Variants in FER observed in about 807,000 individuals in gnomAD.
FER encodes FER tyrosine kinase.
A neutral mutation model predicts 111.0 loss-of-function variants in FER; 63 were observed. The observed-to-expected ratio is 0.57, with a 90% confidence interval of 0.46 to 0.70. The LOEUF is 0.70. FER is among the 30% of genes least tolerant of loss of function. FER has a pLI of 0.00. For synonymous variants in FER, 327 were observed against 313.9 expected (o/e 1.04, Z -0.44); for missense variants, 914 against 954.0 (o/e 0.96, Z 0.55).
At chr5:108,889,317 A>G (rs1349707621) in intron 9 of FER, among the ~76,000 whole-genome samples, 1 of 151,962 alleles carries the variant, frequency 6.6e-6, no homozygotes, top group Middle Eastern at 3.2e-3. Flanking sequence ...CTACGTGTCC[A>G]TCAACAGACA....
At chr5:108,851,788 T>A (rs10064960) in intron 5 of FER, among the ~76,000 whole-genome samples, 1 of 152,066 alleles carries the variant, frequency 6.6e-6, no homozygotes, top group African/African-American at 2.4e-5. Context: ...TTCTGTATGT[T>A]TAGAATTATG....
intron 6 of FER, among the ~76,000 whole-genome samples, chr5:108,870,173 A>G (rs968733321): frequency 6.6e-6 from 1 of 152,072 alleles, no homozygotes; most frequent in Non-Finnish European, 1.5e-5. Flanking sequence ...TGTGTAATAC[A>G]TTATTTTAGA....
intron 16 of FER, among the ~76,000 whole-genome samples, chr5:109,093,379 T>G (rs2150049100): frequency 6.6e-6 from 1 of 152,304 alleles, no homozygotes; most frequent in East Asian, 1.9e-4. Flanking sequence ...CAATATAATA[T>G]TTCTGTAATC....
intron 3 of FER, among the ~76,000 whole-genome samples, chr5:108,812,116 A>G (rs894053601): frequency 2.0e-5 from 3 of 152,184 alleles, no homozygotes; most frequent in Non-Finnish European, 4.4e-5. Flanking sequence ...TGAGAGAGGG[A>G]TGCTGAAATC....
At chr5:108,794,105 T>A (rs921087281) in intron 2 of FER, among the ~76,000 whole-genome samples, 1 of 152,200 alleles carries the variant, frequency 6.6e-6, no homozygotes, top group Non-Finnish European at 1.5e-5. Context: ...ATTCTTTGTT[T>A]TTTTGGTGTA....
chr5:108,895,766 G>A (rs1748997813), intron 9 of FER, among the ~76,000 whole-genome samples: 1 of 152,106 alleles, frequency 6.6e-6, no homozygotes, highest in Admixed American at 6.6e-5. Flanking sequence ...TCTTTTGGGG[G>A]ACATTATTCA....
Position 109,079,676 on chromosome 5 carries a change from T to A in FER, c.1925-20720T>A, listed in dbSNP as rs1310767933. Among the ~76,000 whole-genome samples the A allele has an allele frequency of 2.0e-5, 3 of 152,090 alleles. 1 individual carries two copies. The highest frequency in any genetic ancestry group is 4.1e-4 in the South Asian group (2 of 4,828). ...AGAACCCCTAAGTAAAATTCTGGCT[T>A]GAAGGCTAAGGAAATGATACCCAGG... On this transcript the variant is annotated intron_variant, in intron 16 of 19. Coordinates refer to ENST00000281092, the MANE Select transcript of FER (RefSeq NM_005246.4).
intron 2 of FER, among the ~76,000 whole-genome samples, chr5:108,769,069 T>G (rs1289836515): frequency 1.3e-5 from 2 of 152,074 alleles, no homozygotes; most frequent in Non-Finnish European, 2.9e-5. Flanking sequence ...TCAGATGATC[T>G]TTCTGCCTCA....
chr5:108,858,302 C>A lies in FER; in HGVS notation c.482-9465C>A, dbSNP rs376257888. Reference sequence around the variant, plus strand: ...ACTTACTTGCTCAAATGCTAGAATACACAGAAAGTAATTTCAGTATTGCTA... The same window carrying A: ...ACTTACTTGCTCAAATGCTAGAATAAACAGAAAGTAATTTCAGTATTGCTA... On this transcript the variant is annotated intron_variant, in intron 5 of 19. Coordinates refer to ENST00000281092, the MANE Select transcript of FER (RefSeq NM_005246.4). 3.5e-4 allele frequency among the ~76,000 whole-genome samples: 53 copies of A among 152,280 alleles called. No individual in the cohort carries two copies. The South Asian group carries it at 0.011, about 32-fold the overall frequency.
chr5:109,116,763 G>T (rs1196002872), intron 17 of FER, among the ~76,000 whole-genome samples: 4 of 152,102 alleles, frequency 2.6e-5, no homozygotes, highest in African/African-American at 9.7e-5. Flanking sequence ...CTCTTTGTAA[G>T]TAAAGACAAA....
At chr5:108,865,902 G>A (rs1005999300) in intron 5 of FER, among the ~76,000 whole-genome samples, 2 of 152,162 alleles carry the variant, frequency 1.3e-5, no homozygotes, top group South Asian at 4.2e-4. Flanking sequence ...TCTCACACCA[G>A]TTAGAATGGC....
intron 18 of FER, among the ~76,000 whole-genome samples, chr5:109,184,084 C>A (rs538298042): frequency 6.6e-6 from 1 of 152,288 alleles, no homozygotes; most frequent in South Asian, 2.1e-4. Context: ...ACCAAAGGTA[C>A]TGTTTTTATA....
At chr5:108,861,454 A>G (rs1480276062) in intron 5 of FER, among the ~76,000 whole-genome samples, 2 of 152,222 alleles carry the variant, frequency 1.3e-5, no homozygotes, top group African/African-American at 4.8e-5. Flanking sequence ...CAAACAAATT[A>G]TAATTTAATC....
intron 17 of FER, among the ~76,000 whole-genome samples, chr5:109,152,215 T>C (rs1754926641): frequency 6.6e-6 from 1 of 152,074 alleles, no homozygotes; most frequent in Admixed American, 6.6e-5. Flanking sequence ...TCCTGAGAGT[T>C]ATAAAATCTG....
chr5:108,998,183 GAAAAA>G (rs915109794), intron 13 of FER, among the ~76,000 whole-genome samples: 1 of 71,420 alleles, frequency 1.4e-5, no homozygotes, highest in Non-Finnish European at 2.8e-5. Flanking sequence ...ACCGGGGTAT[GAAAAA>G]AAAAAAAAAA....
At chr5:108,923,889 T>A (rs905791493) in intron 10 of FER, among the ~76,000 whole-genome samples, 1 of 152,100 alleles carries the variant, frequency 6.6e-6, no homozygotes, top group Non-Finnish European at 1.5e-5. Context: ...ATAAAAAAAA[T>A]TAAAACACAT....
intron 1 of FER, among the ~76,000 whole-genome samples, chr5:108,755,728 C>T (rs560608119): frequency 1.2e-4 from 18 of 151,774 alleles, no homozygotes; most frequent in African/African-American, 4.3e-4. Flanking sequence ...TCAGGTGATC[C>T]ACCCGCCTTG....
chr5:108,781,775 C>G (rs1191976531), intron 2 of FER, among the ~76,000 whole-genome samples: 1 of 152,148 alleles, frequency 6.6e-6, no homozygotes, highest in Non-Finnish European at 1.5e-5. Context: ...TATTTCCCTT[C>G]CTATAAGTTA....
At chr5:109,120,932 G>T (rs1046719104) in intron 17 of FER, among the ~76,000 whole-genome samples, 1 of 152,058 alleles carries the variant, frequency 6.6e-6, no homozygotes, top group African/African-American at 2.4e-5. Flanking sequence ...ACTAATTTGT[G>T]TATGTTGATT....
Sources: gnomAD v4.1 joint callset for allele counts (sites outside exome capture counted in the v4.1 genomes callset) on GRCh38, gnomAD v4.1.1 for gene constraint, MANE v1.5 for transcripts, NCBI Gene and HGNC (gene_info 2026-07-23, HGNC 2026-07-21) for gene names.